GDI2: variants seen among roughly 807,000 people sequenced by gnomAD.
GDI2 encodes the protein rab GDP dissociation inhibitor beta.
A neutral mutation model predicts 54.2 loss-of-function variants in GDI2; 22 were observed. That is an observed-to-expected ratio of 0.41 (90% CI 0.29 to 0.58). The LOEUF (loss-of-function observed/expected upper bound fraction) is 0.58, where lower values mean the gene tolerates loss of function less well. Ranked by LOEUF, GDI2 falls within the 20% of genes least tolerant of loss-of-function variation. GDI2 has a pLI of 0.35. For synonymous variants in GDI2, 177 were observed against 182.1 expected (o/e 0.97, Z 0.23); for missense variants, 422 against 546.0 (o/e 0.77, Z 2.26).
intron 1 of GDI2, among the ~76,000 whole-genome samples, chr10:5,801,409 C>T (rs1841267098): frequency 6.6e-6 from 1 of 152,094 alleles, no homozygotes; most frequent in East Asian, 1.9e-4. Context: ...GGCACAGTGG[C>T]TCACGCCTGT....
chr10:5,799,428 G>C (rs1490875217), intron 2 of GDI2, among the ~76,000 whole-genome samples: 1 of 152,160 alleles, frequency 6.6e-6, no homozygotes, highest in South Asian at 2.1e-4. Flanking sequence ...AAGGCAGACA[G>C]ATCACATGAG....
intron 4 of GDI2, among the ~76,000 whole-genome samples, chr10:5,791,397 G>A (rs1210080498): frequency 6.6e-6 from 1 of 152,148 alleles, no homozygotes; most frequent in African/African-American, 2.4e-5. Context: ...ATCACTTGAG[G>A]CTAGGAGTTT....
At chr10:5,811,790 G>A (rs764794704) in intron 1 of GDI2, 4 of 385,362 alleles carry the variant, frequency 1.0e-5, no homozygotes, top group Non-Finnish European at 2.0e-5. Context: ...GAAGTATTCA[G>A]AATGAATATT....
At chr10:5,792,243 T>C (rs1410917761) in intron 4 of GDI2, among the ~76,000 whole-genome samples, 1 of 152,224 alleles carries the variant, frequency 6.6e-6, no homozygotes, top group Admixed American at 6.5e-5. Context: ...TATACTACTT[T>C]GTGCTTTCCT....
At chr10:5,800,953 TTTTA>T (rs936537234) in intron 1 of GDI2, among the ~76,000 whole-genome samples, 8 of 152,080 alleles carry the variant, frequency 5.3e-5, no homozygotes, top group African/African-American at 1.9e-4. Flanking sequence ...AATTTTTTTT[TTTTA>T]TTTATTTTTT....
Position 5,779,463 on chromosome 10 carries a change from G to A in GDI2, c.720-5522C>T, listed in dbSNP as rs529477774. Among the ~76,000 whole-genome samples, 5 of 151,068 alleles carry A rather than the reference G, an allele frequency of 3.3e-5. No homozygotes were observed. In the South Asian group the frequency reaches 8.4e-4, roughly 25 times the overall value. Reference sequence around the variant, plus strand: ...GCAGAGGTTGCAGTGAGCTGAGATCGCGCCACTGCACTTCAGCCTGGGTGA... The same window carrying A: ...GCAGAGGTTGCAGTGAGCTGAGATCACGCCACTGCACTTCAGCCTGGGTGA... On this transcript the variant is annotated intron_variant, in intron 6 of 10. Coordinates refer to ENST00000380191, the MANE Select transcript of GDI2 (RefSeq NM_001494.4).
chr10:5,786,770 CT>C, intron 4 of GDI2, among the ~76,000 whole-genome samples: 1 of 152,214 alleles, frequency 6.6e-6, no homozygotes. Context: ...TTTTCCGCCT[CT>C]GTATGCTAAG....
intron 4 of GDI2, among the ~76,000 whole-genome samples, chr10:5,792,839 T>C (rs1452887479): frequency 6.7e-6 from 1 of 149,538 alleles, no homozygotes; most frequent in African/African-American, 2.5e-5. Flanking sequence ...TCTGAAAAAA[T>C]CAGAGAAAAT....
intron 6 of GDI2, among the ~76,000 whole-genome samples, chr10:5,784,898 T>C (rs1226475368): frequency 1.3e-5 from 2 of 152,258 alleles, no homozygotes; most frequent in Admixed American, 6.5e-5. Context: ...TGGTTTTGTA[T>C]TGGCTGGCCT....
rs1247249201 is a variant in GDI2 at position 5,774,212 on chromosome 10, C to T, written c.720-271G>A. On this transcript the variant is annotated intron_variant, in intron 6 of 10. Coordinates refer to ENST00000380191, the MANE Select transcript of GDI2 (RefSeq NM_001494.4). This position sits in a 1 kb window ranked among gnomAD's most constrained non-coding sequence, Gnocchi z 4.8. The stretch of plus-strand genomic sequence containing the variant: ...CCTCCAAGTGTACTTTCTTTCCTTC[C>T]TTTCATTCCTGCCCTAAAGCTTTTC... Among the ~76,000 whole-genome samples the T allele has an allele frequency of 1.3e-5, 2 of 152,100 alleles. No individual in the cohort carries two copies. Among genetic ancestry groups the T allele is most frequent in the African/African-American group, 2.4e-5 (1 of 41,410 alleles).
At chr10:5,786,165 A>ATTT (rs35328258) in intron 4 of GDI2, 115 bp from the exon 5 acceptor site, 25,008 of 372,190 alleles carry the variant, frequency 0.067, 215 homozygotes, top group South Asian at 0.08. Flanking sequence ...GCAGGATGCA[A>ATTT]TTTTTTTTTT....
intron 3 of GDI2, among the ~76,000 whole-genome samples, chr10:5,795,929 A>G (rs541393095): frequency 2.1e-4 from 30 of 144,848 alleles, no homozygotes; most frequent in African/African-American, 7.1e-4. Context: ...CTCTAAAAAA[A>G]ATTAATAAAA....
At chr10:5,788,383 C>T (rs1214434335) in intron 4 of GDI2, among the ~76,000 whole-genome samples, 3 of 152,088 alleles carry the variant, frequency 2.0e-5, no homozygotes, top group African/African-American at 7.2e-5. Context: ...GTCCTTCTCA[C>T]ACTCCCTCCT....
At chr10:5,804,097 T>C (rs894777921) in intron 1 of GDI2, among the ~76,000 whole-genome samples, 2 of 13,390 alleles carry the variant, frequency 1.5e-4, no homozygotes, top group African/African-American at 2.5e-4. Flanking sequence ...TCATTCTTTC[T>C]TTTTTTTTTT....
In GDI2 at chr10:5,785,235, ATTCTATTAATGGT is replaced by A. The variant is rs754639291; in HGVS notation, c.613_625del (p.Thr205LeufsTer33). On this transcript the variant is annotated frameshift_variant, in exon 6 of 11. Coordinates refer to ENST00000380191, the MANE Select transcript of GDI2 (RefSeq NM_001494.4). LOFTEE classifies it high-confidence loss of function. ...TGCCAAAGATTCACTGTAAAGTTTA[ATTCTATTAATGGT>A]TTCATAACACGGTTGATCTAAGTAA... is the stretch of plus-strand genomic sequence containing the variant. 6.2e-7 allele frequency: 1 copy of A among 1,603,480 alleles called. No individual in the cohort carries two copies. Among genetic ancestry groups the A allele is most frequent in the South Asian group, 1.1e-5 (1 of 90,752 alleles).
chr10:5,794,874 A>C lies in GDI2; in HGVS notation c.388+11T>G. 2 of 1,576,632 alleles carry C rather than the reference A, an allele frequency of 1.3e-6. No individual in the cohort carries two copies. Among genetic ancestry groups the C allele is most frequent in the Non-Finnish European group, 1.7e-6 (2 of 1,150,310 alleles). ...ATAAAACTAGTTACTAGAGAAAATA[A>C]AACTACTTACTAGATGCCAGGGCTT... On this transcript the variant is annotated intron_variant, in intron 4 of 10. Coordinates refer to ENST00000380191, the MANE Select transcript of GDI2 (RefSeq NM_001494.4).
Position 5,768,440 on chromosome 10 carries a change from T to A in GDI2, c.820-56A>T. On this transcript the variant is annotated intron_variant, in intron 7 of 10. Coordinates refer to ENST00000380191, the MANE Select transcript of GDI2 (RefSeq NM_001494.4). This position sits in a 1 kb window ranked among gnomAD's most constrained non-coding sequence, Gnocchi z 4.4. Reference sequence around the variant, plus strand: ...GCGGACAAGGATATAGGGAAACACATCCCATGTTCATAGTTTGGAAGACTT... The same window carrying A: ...GCGGACAAGGATATAGGGAAACACAACCCATGTTCATAGTTTGGAAGACTT... 9.1e-7 allele frequency: 1 copy of A among 1,104,968 alleles called. No individual in the cohort carries two copies. The highest frequency in any genetic ancestry group is 1.4e-6 in the Non-Finnish European group (1 of 731,894). The allele number at this position is 1,104,968 out of a possible 1,614,324, so 68.4% of individuals were successfully genotyped here.
chr10:5,785,621 C>G (rs1840856515), intron 5 of GDI2, among the ~76,000 whole-genome samples: 1 of 152,182 alleles, frequency 6.6e-6, no homozygotes, highest in Non-Finnish European at 1.5e-5. Flanking sequence ...AATGATCCAC[C>G]CAACTTGGCC....
At chr10:5,797,493 C>T (rs1257359680) in intron 2 of GDI2, among the ~76,000 whole-genome samples, 2 of 137,618 alleles carry the variant, frequency 1.5e-5, no homozygotes, top group Non-Finnish European at 3.0e-5. Flanking sequence ...TGCAGTGAGC[C>T]GAGATAGCGT....
Sources: allele counts gnomAD v4.1 joint callset (sites outside exome capture counted in the v4.1 genomes callset), GRCh38; gene constraint gnomAD v4.1.1; non-coding constraint Gnocchi (gnomAD v3.1); transcripts MANE v1.5; gene names NCBI Gene and HGNC (gene_info 2026-07-23, HGNC 2026-07-21).